The following SNTG1 variants were observed in gnomAD, a reference collection of about 807,000 sequenced individuals.
The protein encoded by SNTG1 is gamma-1-syntrophin.
In SNTG1, 39 loss-of-function variants were observed where a neutral mutation model predicts 74.7. That is an observed-to-expected ratio of 0.52 (90% CI 0.40 to 0.68). The LOEUF (loss-of-function observed/expected upper bound fraction) is 0.68, where lower values mean the gene tolerates loss of function less well. Among genes scored for constraint, SNTG1 ranks in the 30% least tolerant of loss-of-function variants. The probability of loss-of-function intolerance (pLI) is 0.00; values close to 1 mark genes in which losing one functional copy is unlikely to be tolerated. For missense variants in SNTG1, 685 were observed against 609.5 expected (o/e 1.12, Z -1.30); for synonymous variants, 254 against 217.1 (o/e 1.17, Z -1.49).
chr8:50,323,922 A>G (rs2090630162), intron 2 of SNTG1, among the ~76,000 whole-genome samples: 1 of 152,178 alleles, frequency 6.6e-6, no homozygotes, highest in Admixed American at 6.5e-5. Context: ...TAAATCGAAT[A>G]CTGGGGTTTG....
chr8:50,377,565 T>C (rs1034655720), intron 2 of SNTG1, among the ~76,000 whole-genome samples: 1 of 152,174 alleles, frequency 6.6e-6, no homozygotes, highest in Non-Finnish European at 1.5e-5. Flanking sequence ...GAAGAATCAA[T>C]GGTTGAAAAG....
chr8:50,102,603 C>A (rs1399681227), intron 1 of SNTG1, among the ~76,000 whole-genome samples: 1 of 147,972 alleles, frequency 6.8e-6, no homozygotes, highest in East Asian at 2.0e-4. Context: ...GTTGCCATTG[C>A]TTTTGGTGTT....
At chr8:50,539,174 A>G (rs997118571) in intron 11 of SNTG1, among the ~76,000 whole-genome samples, 1 of 152,120 alleles carries the variant, frequency 6.6e-6, no homozygotes, top group Non-Finnish European at 1.5e-5. Flanking sequence ...AGTATCATTA[A>G]TTCTTTTCTC....
chr8:50,503,751 G>T (rs1489822710), intron 9 of SNTG1, among the ~76,000 whole-genome samples: 2 of 152,108 alleles, frequency 1.3e-5, no homozygotes, highest in Non-Finnish European at 2.9e-5. Context: ...TCCATTGTAT[G>T]AATGTACTAC....
chr8:50,028,604 G>C (rs920320487), intron 1 of SNTG1, among the ~76,000 whole-genome samples: 1 of 151,564 alleles, frequency 6.6e-6, no homozygotes, highest in Non-Finnish European at 1.5e-5. Context: ...GTTTTGGGAG[G>C]GGGGAGGGAT....
chr8:49,994,904 T>A (rs765309878), intron 1 of SNTG1, among the ~76,000 whole-genome samples: 1 of 152,198 alleles, frequency 6.6e-6, no homozygotes, highest in Non-Finnish European at 1.5e-5. Context: ...AAGGACACTT[T>A]ATTATTTCAA....
chr8:50,387,732 A>G (rs1438260479), intron 2 of SNTG1, among the ~76,000 whole-genome samples: 1 of 152,200 alleles, frequency 6.6e-6, no homozygotes, highest in African/African-American at 2.4e-5. Flanking sequence ...TTGAAGTGGA[A>G]CACACGTTTA....
chr8:50,500,289 T>A (rs1259645051), intron 8 of SNTG1, among the ~76,000 whole-genome samples: 1 of 151,836 alleles, frequency 6.6e-6, no homozygotes, highest in Non-Finnish European at 1.5e-5. Flanking sequence ...TATTATTCTG[T>A]CCTCATCTTT....
At chr8:50,423,307 A>G (rs998508910) in intron 4 of SNTG1, among the ~76,000 whole-genome samples, 14 of 152,226 alleles carry the variant, frequency 9.2e-5, no homozygotes, top group African/African-American at 3.4e-4. Context: ...AACAGTGCTT[A>G]GTATATAGTA....
chr8:50,142,562 C>A (rs1015164430), intron 1 of SNTG1, among the ~76,000 whole-genome samples: 2 of 151,184 alleles, frequency 1.3e-5, no homozygotes, highest in African/African-American at 4.9e-5. Context: ...GAAAAGGTAA[C>A]CAGAAGTAAA....
intron 15 of SNTG1, among the ~76,000 whole-genome samples, chr8:50,672,652 T>A (rs1040452961): frequency 6.6e-6 from 1 of 152,212 alleles, no homozygotes; most frequent in Non-Finnish European, 1.5e-5. Flanking sequence ...TTCACTCTGA[T>A]GATAGTTTAT....
At chr8:50,348,797 A>G (rs10086203) in intron 2 of SNTG1, among the ~76,000 whole-genome samples, 9,946 of 152,314 alleles carry the variant, frequency 0.065, 353 homozygotes, top group African/African-American at 0.072. Context: ...GTAAACAGAA[A>G]AGGCAAATGC....
At chr8:50,193,410 T>C (rs889219674) in intron 2 of SNTG1, among the ~76,000 whole-genome samples, 2 of 151,986 alleles carry the variant, frequency 1.3e-5, no homozygotes, top group Non-Finnish European at 2.9e-5. Context: ...TCTTATTTGT[T>C]TGTTTGTTTG....
At chr8:50,391,897 T>C (rs2092667117) in intron 2 of SNTG1, among the ~76,000 whole-genome samples, 1 of 152,108 alleles carries the variant, frequency 6.6e-6, no homozygotes, top group Non-Finnish European at 1.5e-5. Flanking sequence ...AACATCAGAA[T>C]AATCCCAATG....
intron 1 of SNTG1, among the ~76,000 whole-genome samples, chr8:50,003,295 G>A (rs767013709): frequency 2.0e-5 from 3 of 152,178 alleles, no homozygotes; most frequent in Non-Finnish European, 2.9e-5. Context: ...TTTTATATTT[G>A]TTCAAAGTAA....
intron 2 of SNTG1, among the ~76,000 whole-genome samples, chr8:50,257,102 A>G (rs1157681951): frequency 3.9e-5 from 6 of 152,036 alleles, no homozygotes; most frequent in African/African-American, 1.4e-4. Context: ...CACACCCACC[A>G]GCAGAAGAGG....
intron 2 of SNTG1, among the ~76,000 whole-genome samples, chr8:50,247,636 G>A (rs959360310): frequency 1.3e-5 from 2 of 151,934 alleles, no homozygotes; most frequent in African/African-American, 4.8e-5. Flanking sequence ...CTCCTGAGTA[G>A]CCAGGACTAA....
intron 2 of SNTG1, among the ~76,000 whole-genome samples, chr8:50,229,587 A>G (rs1243303504): frequency 6.6e-6 from 1 of 151,564 alleles, no homozygotes; most frequent in Non-Finnish European, 1.5e-5. Flanking sequence ...AAAATTTGTG[A>G]GGCAAAACTT....
At chr8:50,744,200 A>G (rs1284833970) in intron 17 of SNTG1, among the ~76,000 whole-genome samples, 2 of 151,986 alleles carry the variant, frequency 1.3e-5, no homozygotes, top group African/African-American at 4.8e-5. Context: ...TAACCACACA[A>G]AACCTGTTTT....
Sources: allele counts gnomAD v4.1 joint callset (sites outside exome capture counted in the v4.1 genomes callset), GRCh38; gene constraint gnomAD v4.1.1; transcripts MANE v1.5; gene names NCBI Gene and HGNC (gene_info 2026-07-23, HGNC 2026-07-21).